The following TRIM67 variants were observed in gnomAD, a reference collection of about 807,000 sequenced individuals.
TRIM67 encodes tripartite motif containing 67.
A neutral mutation model predicts 71.0 loss-of-function variants in TRIM67; 39 were observed. The observed-to-expected ratio is 0.55, with a 90% CI of 0.43 to 0.72. The LOEUF is 0.72. TRIM67 is among the 30% of genes least tolerant of loss of function. The probability of loss-of-function intolerance (pLI) is 0.00; values close to 1 mark genes in which losing one functional copy is unlikely to be tolerated. For synonymous variants in TRIM67, 481 were observed against 473.9 expected (o/e 1.01, Z -0.19); for missense variants, 973 against 1,079.2 (o/e 0.90, Z 1.38).
chr1:231,186,120 A>C lies in TRIM67; in HGVS notation c.1045-11251A>C, dbSNP rs1356728419. ...TGGCAGTCGCTTGCTGAATGAATAC[A>C]TCGGTGAATGGATGAAGGGCTTGAC... On this transcript the variant is annotated intron_variant, in intron 1 of 9. Transcript: ENST00000366653. 2.0e-6 allele frequency: 3 copies of C among 1,533,148 alleles called. No homozygotes were observed. In the Admixed American group the frequency reaches 5.9e-5, roughly 30 times the overall value. 95.0% of individuals were successfully genotyped at this position (1,533,148 alleles called of 1,614,324 possible).
At chr1:231,198,879 AG>A (rs1392834736) in intron 2 of TRIM67, among the ~76,000 whole-genome samples, 167 bp from the exon 3 acceptor site, 1 of 152,230 alleles carries the variant, frequency 6.6e-6, no homozygotes, top group Admixed American at 6.5e-5. Context: ...TGAGATTCAT[AG>A]TACCTGCCTT....
At position 231,199,129 on chromosome 1, in the gene TRIM67, T is replaced by A; in HGVS notation, c.1223T>A (p.Leu408Gln). The A allele has an allele frequency of 1.9e-6, 3 of 1,614,030 alleles. No individual in the cohort carries two copies. Among genetic ancestry groups the A allele is most frequent in the Non-Finnish European group, 2.5e-6 (3 of 1,179,902 alleles). ...GCTTTAACTCGTCAGAAAGCCAAGC[T>A]GCTCACCAAGGTGACTAAAGAGAGG... ...VDALTRQKAKLLTKVTKEREH... is the reference protein window; with the variant it reads ...VDALTRQKAKQLTKVTKEREH... Residue 408 changes from leucine to glutamine, a missense_variant, in exon 3 of 10, where the codon CTG becomes CAG. Leu to Gln is a moderately radical substitution (Grantham distance 113). Coordinates refer to ENST00000366653, the MANE Select transcript of TRIM67 (RefSeq NM_001004342.5).
rs113706062 is a variant in TRIM67 at position 231,167,959 on chromosome 1, CT to C, written c.1044+3958del. ...TAAAAATATTTTAATATTTGTAATTCTTTTTTTTTTTTAATATTTTGAGACA... is the reference window on the plus strand; with the variant it reads ...TAAAAATATTTTAATATTTGTAATTCTTTTTTTTTTTAATATTTTGAGACA... On this transcript the variant is annotated intron_variant, in intron 1 of 9. Coordinates refer to ENST00000366653, the MANE Select transcript of TRIM67 (RefSeq NM_001004342.5). 8.9e-3 allele frequency among the ~76,000 whole-genome samples: 1,291 copies of C among 145,570 alleles called. 13 individuals carry two copies. The highest frequency in any genetic ancestry group is 0.026 in the African/African-American group (1,023 of 39,906).
chr1:231,207,861 T>C (rs1028940735), intron 7 of TRIM67, among the ~76,000 whole-genome samples: 1 of 151,914 alleles, frequency 6.6e-6, no homozygotes, highest in Non-Finnish European at 1.5e-5. Context: ...TCTATCAACC[T>C]GGGGGGTTGG....
At chr1:231,211,730 G>C (rs4658904) in intron 8 of TRIM67, among the ~76,000 whole-genome samples, 19 of 152,098 alleles carry the variant, frequency 1.2e-4, no homozygotes, top group African/African-American at 4.3e-4. Flanking sequence ...CAATCTGGAA[G>C]GACAAACATG....
rs116931767 is a variant in TRIM67, at chr1:231,187,822, A to C, written c.1045-9549A>C. ...CTGTAGTGCTTCTGGAGAGAGACCC[A>C]GGCAGGCAGATGCTTGGTTAGGCTG... is the stretch of plus-strand genomic sequence containing the variant. On this transcript the variant is annotated intron_variant, in intron 1 of 9. Coordinates refer to ENST00000366653, the MANE Select transcript of TRIM67 (RefSeq NM_001004342.5). Among the ~76,000 whole-genome samples, 862 of 152,326 alleles carry C rather than the reference A, an allele frequency of 5.7e-3. 36 individuals are homozygous for C. The East Asian group carries it at 0.11, about 20-fold the overall frequency.
In TRIM67 at chr1:231,215,741, A is replaced by G. The variant is rs1194582498; in HGVS notation, c.*301A>G. On this transcript the variant is annotated 3_prime_UTR_variant, in exon 10 of 10. Coordinates refer to ENST00000366653, the MANE Select transcript of TRIM67 (RefSeq NM_001004342.5). Reference sequence around the variant, plus strand: ...TCAAGGGAGTCAGCATTCGGGCTTCATGTCTATGTTTCCTGCCATCTGTTT... The same window carrying G: ...TCAAGGGAGTCAGCATTCGGGCTTCGTGTCTATGTTTCCTGCCATCTGTTT... The G allele has an allele frequency of 8.5e-6, 10 of 1,179,588 alleles. No individual in the cohort carries two copies. The highest frequency in any genetic ancestry group is 1.0e-5 in the Non-Finnish European group (10 of 953,938). 73.1% of individuals were successfully genotyped at this position (1,179,588 alleles called of 1,614,324 possible).
chr1:231,184,980 G>A (rs946173111), intron 1 of TRIM67: 1 of 1,518,212 alleles, frequency 6.6e-7, no homozygotes, highest in Non-Finnish European at 8.8e-7. Flanking sequence ...ACCCAGCAGT[G>A]CTCCTGAATG....
chr1:231,167,345 C>G (rs1377988973), intron 1 of TRIM67, among the ~76,000 whole-genome samples: 1 of 15,722 alleles, frequency 6.4e-5, no homozygotes, highest in Admixed American at 6.8e-4. Flanking sequence ...TTTTTTGAGA[C>G]GGAGTCTCGC....
intron 1 of TRIM67, among the ~76,000 whole-genome samples, chr1:231,190,079 G>A (rs1027557558): frequency 6.6e-6 from 1 of 151,862 alleles, no homozygotes; most frequent in African/African-American, 2.4e-5. Flanking sequence ...ATGGCAACTT[G>A]TCACAGCAGC....
chr1:231,187,496 G>A, intron 1 of TRIM67: 3 of 1,495,456 alleles, frequency 2.0e-6, no homozygotes, highest in South Asian at 1.3e-5. Context: ...TCAGCCACAG[G>A]TTAAAAAAAA....
At chr1:231,215,294 CG>C in intron 9 of TRIM67, 80 bp from the exon 10 acceptor site, 2 of 1,527,394 alleles carry the variant, frequency 1.3e-6, no homozygotes, top group Non-Finnish European at 1.8e-6. Context: ...GGGATCCTGC[CG>C]GTGTCTGCGG....
At chr1:231,201,225 G>A in intron 4 of TRIM67, 133 bp from the exon 5 acceptor site, 1 of 886,558 alleles carries the variant, frequency 1.1e-6, no homozygotes, top group East Asian at 2.7e-5. Context: ...TTTAATCTCT[G>A]CCATGGCTCT....
At position 231,218,468 on chromosome 1, in the gene TRIM67, T is replaced by A. The variant is rs569588719; in HGVS notation, c.*3028T>A. ...TGCTAGTGAGCAAGCTTGGTCAAAG[T>A]GTATGCCTTTTCCTTTTAAAATTAA... is the stretch of plus-strand genomic sequence containing the variant. On this transcript the variant is annotated 3_prime_UTR_variant, in exon 10 of 10. Coordinates refer to ENST00000366653, the MANE Select transcript of TRIM67 (RefSeq NM_001004342.5). The A allele has an allele frequency of 7.1e-6, 7 of 985,512 alleles. No individual in the cohort carries two copies. In the African/African-American group the frequency reaches 1.2e-4, roughly 17 times the overall value. The allele number at this position is 985,512 out of a possible 1,614,324, so 61.0% of individuals were successfully genotyped here.
Position 231,163,148 on chromosome 1 carries a change from G to GCGC in TRIM67, c.189_191dup (p.Ala65dup), listed in dbSNP as rs1682337735. On this transcript the variant is annotated inframe_insertion, in exon 1 of 10. Coordinates refer to ENST00000366653, the MANE Select transcript of TRIM67 (RefSeq NM_001004342.5). ...TCCCGGGGATCGGGGCTGCAGGCGGGCGCCGCCGCCGCTGCCTCTCTGGAG... is the reference window on the plus strand; with the variant it reads ...TCCCGGGGATCGGGGCTGCAGGCGGGCGCCGCCGCCGCCGCTGCCTCTCTGGAG... 7 of 1,514,064 alleles carry GCGC rather than the reference G, an allele frequency of 4.6e-6. No individual in the cohort carries two copies. Among genetic ancestry groups the GCGC allele is most frequent in the African/African-American group, 4.2e-5 (3 of 70,664 alleles). 93.8% of individuals were successfully genotyped at this position (1,514,064 alleles called of 1,614,324 possible). A position where few individuals can be genotyped will look rare whatever the true frequency, so the allele number is the denominator to read the frequency against.
Position 231,209,200 on chromosome 1 carries a change from T to C in TRIM67, c.2073T>C (p.Tyr691=), listed in dbSNP as rs1430822754. The stretch of plus-strand genomic sequence containing the variant: ...AGGATGACAAGGCCTGGGCCATGTA[T>C]GTGGACAACAACCGCAGCTGGTTCA... ...LGKDDKAWAM[Y]VDNNRSWFMH... The change falls in exon 8 of 10, where the codon TAT becomes TAC. Residue 691 remains tyrosine (Y), a synonymous_variant. Transcript: ENST00000366653. This position sits in a 1 kb window ranked among gnomAD's most constrained non-coding sequence, Gnocchi z 4.1. 3 of 1,596,692 alleles carry C rather than the reference T, an allele frequency of 1.9e-6. No homozygotes were observed. Among genetic ancestry groups the C allele is most frequent in the Non-Finnish European group, 2.6e-6 (3 of 1,168,146 alleles).
chr1:231,190,426 A>G (rs1316004545), intron 1 of TRIM67, among the ~76,000 whole-genome samples: 2 of 152,152 alleles, frequency 1.3e-5, no homozygotes, highest in African/African-American at 4.8e-5. Context: ...GCTTTGCCTC[A>G]GGGGATCTCC....
At chr1:231,176,501 G>C (rs1004793126) in intron 1 of TRIM67, among the ~76,000 whole-genome samples, 2 of 152,106 alleles carry the variant, frequency 1.3e-5, no homozygotes, top group African/African-American at 4.8e-5. Context: ...AAACTTAGCT[G>C]TACATCATTG....
In TRIM67 at chr1:231,186,839, C is replaced by T. The variant is rs576031742; in HGVS notation, c.1045-10532C>T. 3.0e-4 allele frequency among the ~76,000 whole-genome samples: 46 copies of T among 152,304 alleles called. 2 individuals are homozygous for T. The highest frequency in any genetic ancestry group is 1.5e-3 in the Admixed American group (23 of 15,298). Reference sequence around the variant, plus strand: ...TCTCCAACCATTTGAAAATGCCAGGCAGCCTTCCCCAGCCCAGCACCCCAG... The same window carrying T: ...TCTCCAACCATTTGAAAATGCCAGGTAGCCTTCCCCAGCCCAGCACCCCAG... On this transcript the variant is annotated intron_variant, in intron 1 of 9. Transcript: ENST00000366653.
Sources: allele counts gnomAD v4.1 joint callset (sites outside exome capture counted in the v4.1 genomes callset), GRCh38; gene constraint gnomAD v4.1.1; non-coding constraint Gnocchi (gnomAD v3.1); transcripts MANE v1.5; gene names NCBI Gene and HGNC (gene_info 2026-07-23, HGNC 2026-07-21).